Variants in UGT2B7 observed in about 807,000 individuals in gnomAD.
UGT2B7 encodes the protein UDP glucuronosyltransferase family 2 member B7, also known as UDP-glucuronosyltransferase 2B7.
UGT2B7 carries 51 observed loss-of-function variants against 51.9 expected under a neutral mutation model. The observed-to-expected ratio is 0.98, with a 90% CI of 0.78 to 1.24. The LOEUF (loss-of-function observed/expected upper bound fraction) is 1.24. UGT2B7 is among the 50% of genes most tolerant of loss of function. UGT2B7 has a pLI of 0.00. For missense variants in UGT2B7, 727 were observed against 628.4 expected, an observed-to-expected ratio of 1.16 and a Z score of -1.68; for synonymous variants, 225 against 211.6, an observed-to-expected ratio of 1.06 and a Z score of -0.55.
upstream of UGT2B7, among the ~76,000 whole-genome samples, chr4:69,094,653 G>A (rs1031019341): frequency 3.9e-5 from 6 of 152,126 alleles, no homozygotes; most frequent in Non-Finnish European, 5.9e-5. Flanking sequence ...ACTCATTTTG[G>A]TGGTGGCCGC....
intron 1 of UGT2B7, chr4:69,067,347 C>T (rs1364665336): frequency 1.3e-5 from 2 of 153,432 alleles, no homozygotes; most frequent in Admixed American, 6.6e-5. Flanking sequence ...GTGCATTGCT[C>T]ATTTTATTTC....
At chr4:69,075,725 A>T (rs1718687972) in intron 1 of UGT2B7, among the ~76,000 whole-genome samples, 1 of 152,176 alleles carries the variant, frequency 6.6e-6, no homozygotes, top group Non-Finnish European at 1.5e-5. Context: ...CAAAATCCCC[A>T]CAATTGAGGG....
At chr4:69,102,743 A>G (rs1322506513) in intron 2 of UGT2B7, 64 bp from the exon 3 acceptor site, 4 of 1,567,682 alleles carry the variant, frequency 2.6e-6, no homozygotes, top group Non-Finnish European at 3.4e-6. Flanking sequence ...ATTTGCACCA[A>G]TTCTTTTGGT....
chr4:69,073,611 G>A (rs950554912), intron 1 of UGT2B7, among the ~76,000 whole-genome samples: 2 of 152,102 alleles, frequency 1.3e-5, no homozygotes, highest in Admixed American at 1.3e-4. Flanking sequence ...ACCATAATGA[G>A]GACATGCAGG....
Position 69,076,827 on chromosome 4 carries a change from T to C in UGT2B7, c.-158-12645T>C, listed in dbSNP as rs568281702. Among the ~76,000 whole-genome samples, 5 of 152,324 alleles carry C rather than the reference T, an allele frequency of 3.3e-5. No homozygotes were observed. In the East Asian group the frequency reaches 9.7e-4, roughly 29 times the overall value. The stretch of plus-strand genomic sequence containing the variant: ...GTATTTTGGCTTTTGTTGCCATTGC[T>C]TTTGGTGTTTTAGTCATGAAGTCTT... On this transcript the variant is annotated intron_variant, in intron 1 of 5. Coordinates refer to the UGT2B7 transcript ENST00000502942.
chr4:69,091,266 G>T (rs1398944660), intron 2 of UGT2B7, among the ~76,000 whole-genome samples: 6 of 152,110 alleles, frequency 3.9e-5, no homozygotes, highest in Admixed American at 3.9e-4. Context: ...CTAATTAGTC[G>T]GGGTCCACAT....
intron 1 of UGT2B7, among the ~76,000 whole-genome samples, chr4:69,067,029 C>CTTCACCAT (rs1479183229): frequency 6.6e-6 from 1 of 152,116 alleles, no homozygotes; most frequent in Non-Finnish European, 1.5e-5. Flanking sequence ...TACTCAGTGA[C>CTTCACCAT]TTCACCATTT....
chr4:69,079,037 C>T (rs573885070), intron 1 of UGT2B7, among the ~76,000 whole-genome samples: 1 of 152,276 alleles, frequency 6.6e-6, no homozygotes, highest in South Asian at 2.1e-4. Flanking sequence ...TCAGGTGGAG[C>T]ATGCTCTGCT....
At chr4:69,091,835 T>C (rs1343151650), upstream of UGT2B7, among the ~76,000 whole-genome samples, 1 of 152,202 alleles carries the variant, frequency 6.6e-6, no homozygotes, top group Non-Finnish European at 1.5e-5. Context: ...GCTTTTCTCA[T>C]TGACTACAAG....
In UGT2B7 at chr4:69,096,811, G is replaced by A; in HGVS notation, c.291G>A (p.Trp97Ter). 1 of 1,613,882 alleles carries A rather than the reference G, an allele frequency of 6.2e-7. No homozygotes were observed. Among genetic ancestry groups the A allele is most frequent in the Non-Finnish European group, 8.5e-7 (1 of 1,179,906 alleles). Residue 97 changes from tryptophan (W) to a stop codon, truncating the protein, a stop_gained, in exon 1 of 6, where the codon TGG becomes TGA. Coordinates refer to ENST00000305231, the MANE Select transcript of UGT2B7 (RefSeq NM_001074.4). LOFTEE classifies it high-confidence loss of function. ...TCATCATGCAACAGATTAAGAGATG[G>A]TCAGACCTTCCAAAAGATACATTTT... is the stretch of plus-strand genomic sequence containing the variant. ...ENFIMQQIKR[W>*]SDLPKDTFWL...
intron 1 of UGT2B7, among the ~76,000 whole-genome samples, chr4:69,058,954 A>G (rs1399949461): frequency 6.6e-6 from 1 of 152,186 alleles, no homozygotes; most frequent in Non-Finnish European, 1.5e-5. Context: ...AGTGCAAAAG[A>G]CAAGGACACT....
intron 3 of UGT2B7, among the ~76,000 whole-genome samples, chr4:69,104,111 A>G (rs1719517992): frequency 6.6e-6 from 1 of 152,022 alleles, no homozygotes; most frequent in Non-Finnish European, 1.5e-5. Context: ...ACATGGTGAA[A>G]CCCGTCTCTA....
chr4:69,080,239 C>T (rs1244301038), intron 1 of UGT2B7, among the ~76,000 whole-genome samples: 2 of 152,012 alleles, frequency 1.3e-5, no homozygotes, highest in Non-Finnish European at 2.9e-5. Context: ...ATATCTGATC[C>T]TTTCTCCCTC....
chr4:69,093,169 G>C (rs1306608185), upstream of UGT2B7, among the ~76,000 whole-genome samples: 2 of 152,134 alleles, frequency 1.3e-5, no homozygotes, highest in African/African-American at 4.8e-5. Context: ...GGAGTCCCCT[G>C]TTGGGAGGTC....
intron 1 of UGT2B7, among the ~76,000 whole-genome samples, chr4:69,070,844 C>G (rs1718585252): frequency 6.6e-6 from 1 of 152,088 alleles, no homozygotes; most frequent in African/African-American, 2.4e-5. Context: ...ACTTGGCCAA[C>G]TCTCTTAGCG....
rs1161231301 is a variant in UGT2B7, at chr4:69,071,542, G to A, written c.-158-17930G>A. 2.0e-5 allele frequency among the ~76,000 whole-genome samples: 3 copies of A among 152,062 alleles called. No homozygotes were observed. The East Asian group carries it at 5.8e-4, about 29-fold the overall frequency. Reference sequence around the variant, plus strand: ...ACAGAGAAGAAGGGAACAAACTTAAGAGCTGTTCTTCCATCTGACAAGAGA... The same window carrying A: ...ACAGAGAAGAAGGGAACAAACTTAAAAGCTGTTCTTCCATCTGACAAGAGA... On this transcript the variant is annotated intron_variant, in intron 1 of 5. Transcript: ENST00000502942.
intron 2 of UGT2B7, among the ~76,000 whole-genome samples, chr4:69,100,773 G>T (rs1577923370): frequency 6.6e-6 from 1 of 152,188 alleles, no homozygotes; most frequent in African/African-American, 2.4e-5. Context: ...CAAGTCAATG[G>T]TTGTGAAACC....
intron 1 of UGT2B7, among the ~76,000 whole-genome samples, chr4:69,064,086 AAGAAAGAAAG>A (rs1560499733): frequency 2.6e-4 from 27 of 102,522 alleles, no homozygotes; most frequent in African/African-American, 8.2e-4. Flanking sequence ...GAAAGAAAGA[AAGAAAGAAAG>A]AGAAAGAAAG....
chr4:69,074,964 T>C (rs1465967542), intron 1 of UGT2B7, among the ~76,000 whole-genome samples: 2 of 152,198 alleles, frequency 1.3e-5, no homozygotes, highest in African/African-American at 4.8e-5. Context: ...CTATACTATG[T>C]TGTTTAATTT....
Sources: gnomAD v4.1 joint callset for allele counts (sites outside exome capture counted in the v4.1 genomes callset) on GRCh38, gnomAD v4.1.1 for gene constraint, MANE v1.5 for transcripts, NCBI Gene and HGNC (gene_info 2026-07-23, HGNC 2026-07-21) for gene names.